Variants in DENND5B observed in about 807,000 individuals in gnomAD.
DENND5B encodes DENN domain-containing protein 5B.
DENND5B carries 34 observed loss-of-function variants against 140.6 expected under a neutral mutation model. That is an observed-to-expected ratio of 0.24 (90% CI 0.18 to 0.32). The LOEUF (loss-of-function observed/expected upper bound fraction) is 0.32, where lower values mean the gene tolerates loss of function less well. DENND5B is among the 10% of genes least tolerant of loss of function. The probability of loss-of-function intolerance (pLI) is 1.00; values close to 1 mark genes in which losing one functional copy is unlikely to be tolerated. For synonymous variants in DENND5B, 551 were observed against 562.1 expected (o/e 0.98, Z 0.28); for missense variants, 1,142 against 1,560.2 (o/e 0.73, Z 4.52).
intron 2 of DENND5B, among the ~76,000 whole-genome samples, chr12:31,488,805 A>G (rs963666832): frequency 5.3e-5 from 8 of 152,132 alleles, no homozygotes; most frequent in Non-Finnish European, 1.2e-4. Flanking sequence ...TTTCTAATTA[A>G]CCCTTAACTT....
intron 1 of DENND5B, among the ~76,000 whole-genome samples, chr12:31,518,403 T>G (rs1162257016): frequency 6.6e-6 from 1 of 151,882 alleles, no homozygotes; most frequent in Non-Finnish European, 1.5e-5. Context: ...GAATTAAGAG[T>G]CTCCAGAAAC....
Position 31,394,880 on chromosome 12 carries a change from T to TG in DENND5B, c.3257-2185dup, listed in dbSNP as rs534408677. Reference sequence around the variant, plus strand: ...CGCCCGTCTTGGCCTCCCAAAGTGCTGTATTACAGGCGTGAGCCACCGTGC... The same window carrying TG: ...CGCCCGTCTTGGCCTCCCAAAGTGCTGGTATTACAGGCGTGAGCCACCGTGC... On this transcript the variant is annotated intron_variant, in intron 17 of 20. Coordinates refer to ENST00000389082, the MANE Select transcript of DENND5B (RefSeq NM_144973.4). 6.7e-4 allele frequency among the ~76,000 whole-genome samples: 102 copies of TG among 152,262 alleles called. 1 individual carries two copies. The highest frequency in any genetic ancestry group is 2.1e-3 in the African/African-American group (87 of 41,578).
chr12:31,562,418 C>T lies in DENND5B; in HGVS notation c.127+28288G>A, dbSNP rs1237969645. ...TGAGATCAGGAGTTCCAAGACCATC[C>T]TGACCAACATGGAGAAACCCCATCT... On this transcript the variant is annotated intron_variant, in intron 1 of 20. Coordinates refer to ENST00000389082, the MANE Select transcript of DENND5B (RefSeq NM_144973.4). Among the ~76,000 whole-genome samples the T allele has an allele frequency of 4.6e-5, 7 of 152,196 alleles. 1 individual carries two copies. The South Asian group carries it at 1.2e-3, about 27-fold the overall frequency.
chr12:31,535,429 T>C lies in DENND5B; in HGVS notation c.128-39510A>G, dbSNP rs111243345. On this transcript the variant is annotated intron_variant, in intron 1 of 20. Transcript: ENST00000389082. Reference sequence around the variant, plus strand: ...AGAGAGACACACACACACACACACATATATACACATACACACACACACACA... The same window carrying C: ...AGAGAGACACACACACACACACACACATATACACATACACACACACACACA... Among the ~76,000 whole-genome samples, 837 of 150,282 alleles carry C rather than the reference T, an allele frequency of 5.6e-3. 8 individuals are homozygous for C. The highest frequency in any genetic ancestry group is 0.019 in the African/African-American group (779 of 40,412).
At chr12:31,589,339 T>C (rs753994492) in intron 1 of DENND5B, among the ~76,000 whole-genome samples, 2 of 152,252 alleles carry the variant, frequency 1.3e-5, no homozygotes, top group South Asian at 4.1e-4. Flanking sequence ...AACAATGTGA[T>C]TACATAATTA....
At chr12:31,464,762 T>C (rs1197861248) in intron 3 of DENND5B, among the ~76,000 whole-genome samples, 3 of 152,096 alleles carry the variant, frequency 2.0e-5, no homozygotes, top group Non-Finnish European at 2.9e-5. Flanking sequence ...GGTTTCGCCA[T>C]GTTGGCCAGG....
chr12:31,399,237 C>T (rs949273568), intron 16 of DENND5B, among the ~76,000 whole-genome samples: 3 of 149,452 alleles, frequency 2.0e-5, no homozygotes, highest in Non-Finnish European at 4.4e-5. Flanking sequence ...AAAAAAAAAC[C>T]CTAAAATTCA....
intron 13 of DENND5B, among the ~76,000 whole-genome samples, chr12:31,410,525 C>T (rs1241898482): frequency 6.6e-6 from 1 of 152,114 alleles, no homozygotes; most frequent in Non-Finnish European, 1.5e-5. Context: ...CCCACCTCAG[C>T]CTCCCAAGCT....
intron 1 of DENND5B, among the ~76,000 whole-genome samples, chr12:31,584,821 C>T (rs945029473): frequency 3.3e-5 from 5 of 151,278 alleles, no homozygotes; most frequent in African/African-American, 1.2e-4. Flanking sequence ...AGACTCTGTC[C>T]CACACCCCCC....
chr12:31,530,100 C>T lies in DENND5B; in HGVS notation c.128-34181G>A, dbSNP rs149767896. On this transcript the variant is annotated intron_variant, in intron 1 of 20. Coordinates refer to ENST00000389082, the MANE Select transcript of DENND5B (RefSeq NM_144973.4). ...TAAAAAAAATACATGCAGCCGGGCG[C>T]GGTGGCTCATGCCTGTAATCCCAGC... 1.1e-3 allele frequency among the ~76,000 whole-genome samples: 163 copies of T among 152,260 alleles called. 2 individuals carry two copies. In the East Asian group the frequency reaches 0.021, roughly 19 times the overall value.
intron 1 of DENND5B, among the ~76,000 whole-genome samples, chr12:31,527,288 C>T (rs1416108990): frequency 3.3e-5 from 5 of 152,116 alleles, no homozygotes; most frequent in Non-Finnish European, 5.9e-5. Context: ...GCAACCAGAA[C>T]AGCTAAAGCA....
chr12:31,556,465 G>A (rs1023674341), intron 1 of DENND5B, among the ~76,000 whole-genome samples: 5 of 151,902 alleles, frequency 3.3e-5, no homozygotes, highest in Non-Finnish European at 5.9e-5. Flanking sequence ...GCCTCCCAAA[G>A]TGCTGGGATT....
rs927050341 is a variant in DENND5B, at chr12:31,452,145, G to A, written c.1424C>T (p.Ala475Val). ...ATCCTTGTCTTTTTCACCCAGAGAA[G>A]CAGAGAGGTCCATTTTTTCCACAGC... is the stretch of plus-strand genomic sequence containing the variant. ...GVAVEKMDLS[A>V]SLGEKDKDLK... Residue 475 changes from alanine (A) to valine (V), a missense_variant, in exon 5 of 21, where the codon GCT (alanine) becomes GTT (valine). Ala to Val is a moderately conservative substitution (Grantham distance 64). Around this residue, in one of 5 missense-constraint regions of DENND5B, gnomAD observed 708 missense variants for 905.5 expected, o/e 0.78. Transcript: ENST00000389082. The A allele has an allele frequency of 2.5e-6, 4 of 1,613,992 alleles. No homozygotes were observed. The highest frequency in any genetic ancestry group is 3.4e-6 in the Non-Finnish European group (4 of 1,179,888).
chr12:31,460,521 T>A lies in DENND5B; in HGVS notation c.905-140A>T, dbSNP rs541282524. On this transcript the variant is annotated intron_variant, in intron 3 of 20. Coordinates refer to ENST00000389082, the MANE Select transcript of DENND5B (RefSeq NM_144973.4). ...TCTTTATGATCATACAGAAAATAGGTCAGTTCTATTCCACTATAATTAAAG... is the reference window on the plus strand; with the variant it reads ...TCTTTATGATCATACAGAAAATAGGACAGTTCTATTCCACTATAATTAAAG... 24 of 728,426 alleles carry A rather than the reference T, an allele frequency of 3.3e-5. 1 individual carries two copies. The East Asian group carries it at 6.5e-4, about 20-fold the overall frequency. 45.1% of individuals were successfully genotyped at this position (728,426 alleles called of 1,614,324 possible).
intron 1 of DENND5B, among the ~76,000 whole-genome samples, chr12:31,501,592 G>A (rs1308062225): frequency 2.0e-5 from 3 of 152,028 alleles, no homozygotes; most frequent in Non-Finnish European, 4.4e-5. Context: ...TGGCCAACAT[G>A]GCAAAACCCT....
At chr12:31,470,459 A>T (rs1299654666) in intron 3 of DENND5B, among the ~76,000 whole-genome samples, 2 of 152,034 alleles carry the variant, frequency 1.3e-5, no homozygotes, top group African/African-American at 4.8e-5. Flanking sequence ...CATGTTACCC[A>T]GGCTGGTCTT....
chr12:31,574,914 C>G (rs1015481364), intron 1 of DENND5B, among the ~76,000 whole-genome samples: 3 of 152,130 alleles, frequency 2.0e-5, no homozygotes, highest in Non-Finnish European at 4.4e-5. Flanking sequence ...TGAGAATGAC[C>G]AAACAAAATA....
At chr12:31,390,657 T>A (rs1941087496) in intron 19 of DENND5B, among the ~76,000 whole-genome samples, 1 of 150,970 alleles carries the variant, frequency 6.6e-6, no homozygotes. Context: ...AAAAATTAAA[T>A]AGATTTAAAT....
At chr12:31,426,156 CAT>C (rs769341854) in intron 9 of DENND5B, 135 bp downstream of exon 9, 207 of 960,206 alleles carry the variant, frequency 2.2e-4, no homozygotes, top group Non-Finnish European at 2.9e-4. Context: ...GTAAAGAGCA[CAT>C]GAGGTCAATG....
Sources: allele counts gnomAD v4.1 joint callset (sites outside exome capture counted in the v4.1 genomes callset), GRCh38; gene constraint gnomAD v4.1.1; regional missense constraint gnomAD v4.1.1; transcripts MANE v1.5; gene names NCBI Gene and HGNC (gene_info 2026-07-23, HGNC 2026-07-21).